The following LRRTM4 variants were observed in gnomAD, a reference collection of about 807,000 sequenced individuals.
LRRTM4 encodes the protein leucine-rich repeat transmembrane neuronal protein 4.
A neutral mutation model predicts 47.6 loss-of-function variants in LRRTM4; 25 were observed. That is an observed-to-expected ratio of 0.53 (90% CI 0.38 to 0.73). The LOEUF is 0.73. Ranked by LOEUF, LRRTM4 falls within the 30% of genes least tolerant of loss-of-function variation. The pLI, the probability that LRRTM4 is intolerant of heterozygous loss-of-function variation, is 0.00. For missense variants in LRRTM4, 638 were observed against 713.4 expected (o/e 0.89, Z 1.20); for synonymous variants, 311 against 269.5 (o/e 1.15, Z -1.51).
intron 3 of LRRTM4, among the ~76,000 whole-genome samples, chr2:76,901,715 G>A (rs569761121): frequency 5.3e-5 from 8 of 152,226 alleles, no homozygotes; most frequent in African/African-American, 1.9e-4. Context: ...CTTTGATCCT[G>A]TTTGAGTACC....
At chr2:76,799,564 C>A (rs1018532105) in intron 3 of LRRTM4, among the ~76,000 whole-genome samples, 3 of 142,458 alleles carry the variant, frequency 2.1e-5, no homozygotes, top group Non-Finnish European at 4.6e-5. Flanking sequence ...CCCTCTCTCA[C>A]CACTCCTATT....
chr2:77,015,783 G>A (rs1300431461), intron 3 of LRRTM4, among the ~76,000 whole-genome samples: 3 of 152,158 alleles, frequency 2.0e-5, no homozygotes, highest in Non-Finnish European at 4.4e-5. Flanking sequence ...CTGAGGACTT[G>A]CCGCCATGCT....
intron 3 of LRRTM4, among the ~76,000 whole-genome samples, chr2:77,349,619 A>C (rs66663128): frequency 0.2 from 30,421 of 151,978 alleles, 3,790 homozygotes; most frequent in East Asian, 0.48. Context: ...ATGTAAAATA[A>C]TATTTTTGCT....
intron 3 of LRRTM4, among the ~76,000 whole-genome samples, chr2:77,078,380 C>CCACCCA (rs1157173397): frequency 7.2e-6 from 1 of 139,244 alleles, no homozygotes; most frequent in African/African-American, 2.6e-5. Context: ...ACACACACAC[C>CCACCCA]CACACACACA....
At chr2:77,078,821 A>G (rs948399885) in intron 3 of LRRTM4, among the ~76,000 whole-genome samples, 13 of 152,132 alleles carry the variant, frequency 8.5e-5, no homozygotes, top group Non-Finnish European at 1.8e-4. Context: ...AATACTATAG[A>G]CTGAGTAGCT....
chr2:77,285,743 A>C lies in LRRTM4; in HGVS notation c.1551+232575T>G, dbSNP rs565127771. Among the ~76,000 whole-genome samples, 652 of 146,522 alleles carry C rather than the reference A, an allele frequency of 4.4e-3. 8 individuals are homozygous for C. Among genetic ancestry groups the C allele is most frequent in the African/African-American group, 0.017 (632 of 36,852 alleles). On this transcript the variant is annotated intron_variant, in intron 3 of 3. Coordinates refer to ENST00000409884, the MANE Select transcript of LRRTM4 (RefSeq NM_001134745.3). ...GGTGACAAAGGAAGACTCCATCTCA[A>C]AAAAACAACAAAAAAAATCCTGATA...
chr2:77,448,887 T>G (rs1368600847), intron 3 of LRRTM4, among the ~76,000 whole-genome samples: 1 of 152,232 alleles, frequency 6.6e-6, no homozygotes, highest in Non-Finnish European at 1.5e-5. Flanking sequence ...ATCATTCACA[T>G]GATATTTGTG....
chr2:76,787,435 C>T (rs1186084624), intron 3 of LRRTM4, among the ~76,000 whole-genome samples: 1 of 151,914 alleles, frequency 6.6e-6, no homozygotes, highest in Non-Finnish European at 1.5e-5. Context: ...TTCCAGATGT[C>T]AACATTATCA....
chr2:76,999,452 A>AC (rs1003533625), intron 3 of LRRTM4, among the ~76,000 whole-genome samples: 25 of 151,106 alleles, frequency 1.7e-4, no homozygotes, highest in South Asian at 8.3e-4. Flanking sequence ...AACAAAACAA[A>AC]AAAAAAAAGC....
intron 3 of LRRTM4, among the ~76,000 whole-genome samples, chr2:77,433,186 T>C (rs1248905260): frequency 1.3e-5 from 2 of 152,176 alleles, no homozygotes; most frequent in Non-Finnish European, 2.9e-5. Context: ...ACCCCAAGCC[T>C]TCGTACTGTA....
At chr2:77,075,788 G>A (rs927570506) in intron 3 of LRRTM4, among the ~76,000 whole-genome samples, 29 of 148,058 alleles carry the variant, frequency 2.0e-4, no homozygotes, top group African/African-American at 5.7e-4. Flanking sequence ...AGTGGCGGGC[G>A]CCTGTAGTCC....
In LRRTM4 at chr2:76,953,314, C is replaced by T. The variant is rs151183725; in HGVS notation, c.1552-204398G>A. On this transcript the variant is annotated intron_variant, in intron 3 of 3. Transcript: ENST00000409884. ...AACAACAGTATATGGACCAAAAAGCCTCTATGAGAACTTTAGAAATCAGTC... is the reference window on the plus strand; with the variant it reads ...AACAACAGTATATGGACCAAAAAGCTTCTATGAGAACTTTAGAAATCAGTC... 8.6e-3 allele frequency among the ~76,000 whole-genome samples: 1,313 copies of T among 151,952 alleles called. 26 individuals carry two copies. The highest frequency in any genetic ancestry group is 0.029 in the African/African-American group (1,209 of 41,486).
intron 3 of LRRTM4, among the ~76,000 whole-genome samples, chr2:77,012,573 A>C (rs1022306872): frequency 6.6e-6 from 1 of 152,214 alleles, no homozygotes; most frequent in Admixed American, 6.5e-5. Flanking sequence ...ATTGCACGTT[A>C]AAGTTCTAAT....
intron 3 of LRRTM4, among the ~76,000 whole-genome samples, chr2:76,923,010 A>G (rs1433994039): frequency 3.3e-5 from 5 of 152,164 alleles, no homozygotes; most frequent in Non-Finnish European, 7.4e-5. Context: ...AGGGGCAAAC[A>G]CAATAGAGTT....
chr2:76,903,074 T>G (rs1673697216), intron 3 of LRRTM4, among the ~76,000 whole-genome samples: 1 of 152,166 alleles, frequency 6.6e-6, no homozygotes, highest in South Asian at 2.1e-4. Flanking sequence ...CAGATTTCAT[T>G]ACAACTACAA....
intron 3 of LRRTM4, among the ~76,000 whole-genome samples, chr2:77,482,482 T>C (rs904845903): frequency 6.6e-6 from 1 of 152,096 alleles, no homozygotes; most frequent in Admixed American, 6.6e-5. Flanking sequence ...TTAATTTCTA[T>C]GCTATTTGAA....
At chr2:76,882,780 G>T (rs1285182057) in intron 3 of LRRTM4, among the ~76,000 whole-genome samples, 1 of 151,980 alleles carries the variant, frequency 6.6e-6, no homozygotes. Context: ...TCAGGTTATT[G>T]TCTCCACCAT....
At chr2:77,241,939 T>A (rs1349363652) in intron 3 of LRRTM4, among the ~76,000 whole-genome samples, 1 of 152,130 alleles carries the variant, frequency 6.6e-6, no homozygotes, top group Non-Finnish European at 1.5e-5. Context: ...TGAAAATCAA[T>A]TGACCCTATG....
chr2:77,294,940 CAT>C (rs1402004548), intron 3 of LRRTM4, among the ~76,000 whole-genome samples: 2 of 152,128 alleles, frequency 1.3e-5, no homozygotes, highest in African/African-American at 2.4e-5. Flanking sequence ...GTATTTAACT[CAT>C]GTGTTACATT....
Sources: gnomAD v4.1 joint callset for allele counts (sites outside exome capture counted in the v4.1 genomes callset) on GRCh38, gnomAD v4.1.1 for gene constraint, MANE v1.5 for transcripts, NCBI Gene and HGNC (gene_info 2026-07-23, HGNC 2026-07-21) for gene names.